The following PRICKLE2 variants were observed in gnomAD, a reference collection of about 807,000 sequenced individuals.
PRICKLE2 encodes prickle-like protein 2.
Under a neutral mutation model 81.4 loss-of-function variants are expected in PRICKLE2, and 21 were observed. That is an observed-to-expected ratio of 0.26 (90% CI 0.18 to 0.37). The LOEUF is 0.37. PRICKLE2 is among the 10% of genes least tolerant of loss of function. PRICKLE2 has a pLI of 1.00. For synonymous variants in PRICKLE2, 456 were observed against 421.5 expected, an observed-to-expected ratio of 1.08 and a Z score of -1.00; for missense variants, 940 against 1,109.0, an observed-to-expected ratio of 0.85 and a Z score of 2.16.
intron 2 of PRICKLE2, among the ~76,000 whole-genome samples, chr3:64,246,105 A>G (rs904661486): frequency 6.6e-6 from 1 of 152,002 alleles, no homozygotes; most frequent in Admixed American, 6.6e-5. Flanking sequence ...AGTCCGGTGT[A>G]GTGGTGCGTG....
chr3:64,153,482 C>G, intron 5 of PRICKLE2, 114 bp from the exon 6 acceptor site: 2 of 964,628 alleles, frequency 2.1e-6, no homozygotes, highest in Non-Finnish European at 3.2e-6. Context: ...ATCCTACTCA[C>G]AAATAATTAA....
Position 64,146,957 on chromosome 3 carries a change from C to G in PRICKLE2, c.1533G>C (p.Gly511=), listed in dbSNP as rs1360522546. Residue 511 remains glycine, a synonymous_variant, in exon 7 of 8, where the codon GGG becomes GGC. Coordinates refer to ENST00000638394, the MANE Select transcript of PRICKLE2 (RefSeq NM_198859.4). The part of the protein sequence containing the change: ...PKYEEEEEEE[G]GLSTQQCRTR... Reference sequence around the variant, plus strand: ...TCCGACACTGCTGAGTGGACAAGCCCCCTTCCTCTTCCTCTTCCTCCTCAT... The same window carrying G: ...TCCGACACTGCTGAGTGGACAAGCCGCCTTCCTCTTCCTCTTCCTCCTCAT... 1 of 1,614,082 alleles carries G rather than the reference C, an allele frequency of 6.2e-7. No homozygotes were observed. The highest frequency in any genetic ancestry group is 2.2e-5 in the East Asian group (1 of 44,870).
At chr3:64,181,731 A>G (rs1237812292) in intron 2 of PRICKLE2, among the ~76,000 whole-genome samples, 3 of 152,346 alleles carry the variant, frequency 2.0e-5, no homozygotes, top group African/African-American at 4.8e-5. Flanking sequence ...GAAAAATAAC[A>G]GACATAAAAT....
chr3:64,262,660 A>G (rs940103705), intron 2 of PRICKLE2, among the ~76,000 whole-genome samples: 1 of 152,100 alleles, frequency 6.6e-6, no homozygotes, highest in African/African-American at 2.4e-5. Flanking sequence ...AAGAGCAGCA[A>G]AGGAAATTGG....
rs994634407 is a variant in PRICKLE2 at position 64,147,820 on chromosome 3, C to T, written c.788-118G>A. The T allele has an allele frequency of 2.8e-6, 3 of 1,058,882 alleles. No individual in the cohort carries two copies. Among genetic ancestry groups the T allele is most frequent in the Non-Finnish European group, 4.3e-6 (3 of 693,014 alleles). The allele number at this position is 1,058,882 out of a possible 1,614,324, so 65.6% of individuals were successfully genotyped here. A position where few individuals can be genotyped will look rare whatever the true frequency, so the allele number is the denominator to read the frequency against. On this transcript the variant is annotated intron_variant, in intron 6 of 7. Coordinates refer to ENST00000638394, the MANE Select transcript of PRICKLE2 (RefSeq NM_198859.4). This position sits in a 1 kb window ranked among gnomAD's most constrained non-coding sequence, Gnocchi z 5.0. ...TTCCAGGTGCGGCAGGATAAACTGT[C>T]AATAAATCAACAATCAGACCCTTAT... is the stretch of plus-strand genomic sequence containing the variant.
chr3:64,163,215 C>T lies in PRICKLE2; in HGVS notation c.145-86G>A, dbSNP rs2077763355. ...CTTACTGGGAAGATGATTCCCCCAG[C>T]AGGATGTAACTGACTTCTGCAGTCC... On this transcript the variant is annotated intron_variant, in intron 2 of 7. Transcript: ENST00000638394. 8 of 836,404 alleles carry T rather than the reference C, an allele frequency of 9.6e-6. No homozygotes were observed. The Admixed American group carries it at 1.2e-4, about 12-fold the overall frequency. The allele number at this position is 836,404 out of a possible 1,614,324, so 51.8% of individuals were successfully genotyped here. A position where few individuals can be genotyped will look rare whatever the true frequency, so the allele number is the denominator to read the frequency against.
chr3:64,198,944 C>A lies in PRICKLE2; in HGVS notation c.-17G>T. ...TGTCACCATGTGCTCCTCCTGGGGA[C>A]ACTTGCAGTGCAGGCAGATCTTCCT... On this transcript the variant is annotated 5_prime_UTR_variant, in exon 2 of 8. Coordinates refer to ENST00000638394, the MANE Select transcript of PRICKLE2 (RefSeq NM_198859.4). 1 of 1,614,012 alleles carries A rather than the reference C, an allele frequency of 6.2e-7. No individual in the cohort carries two copies. The highest frequency in any genetic ancestry group is 8.5e-7 in the Non-Finnish European group (1 of 1,180,032).
chr3:64,160,332 G>C (rs1315321534), intron 3 of PRICKLE2, among the ~76,000 whole-genome samples: 1 of 152,180 alleles, frequency 6.6e-6, no homozygotes, highest in East Asian at 1.9e-4. Context: ...GCAGGCTAAA[G>C]GTGCCTGCTC....
intron 1 of PRICKLE2, among the ~76,000 whole-genome samples, chr3:64,205,935 AACC>A (rs1198988139): frequency 2.0e-5 from 3 of 152,178 alleles, no homozygotes; most frequent in African/African-American, 7.2e-5. Context: ...CAAGGCTAAA[AACC>A]ACCATATTTC....
At chr3:64,208,034 C>A (rs889883693) in intron 1 of PRICKLE2, among the ~76,000 whole-genome samples, 5 of 152,190 alleles carry the variant, frequency 3.3e-5, no homozygotes, top group African/African-American at 1.2e-4. Flanking sequence ...ACGCACAACA[C>A]CAGCCTAAAA....
intron 7 of PRICKLE2, among the ~76,000 whole-genome samples, chr3:64,141,097 A>T (rs2077354410): frequency 6.6e-6 from 1 of 152,226 alleles, no homozygotes; most frequent in Non-Finnish European, 1.5e-5. Flanking sequence ...ACAGCATTTA[A>T]AGAAGCATTC....
intron 7 of PRICKLE2, among the ~76,000 whole-genome samples, chr3:64,126,836 A>G (rs1446103376): frequency 6.6e-6 from 1 of 152,040 alleles, no homozygotes; most frequent in Non-Finnish European, 1.5e-5. Flanking sequence ...TCGGCCTCCC[A>G]AAGTGCTGAG....
chr3:64,098,832 CTG>C lies in PRICKLE2; in HGVS notation c.*217_*218del. ...CCAAGCCTGGCCTCGATAGAGTCTA[CTG>C]TGTTTCCAAAGTGAAATGTGCAAAT... On this transcript the variant is annotated 3_prime_UTR_variant, in exon 8 of 8. Transcript: ENST00000638394. 1 of 595,982 alleles carries C rather than the reference CTG, an allele frequency of 1.7e-6. No individual in the cohort carries two copies. Among genetic ancestry groups the C allele is most frequent in the Non-Finnish European group, 3.0e-6 (1 of 333,324 alleles). 36.9% of individuals were successfully genotyped at this position (595,982 alleles called of 1,614,324 possible).
intron 2 of PRICKLE2, among the ~76,000 whole-genome samples, chr3:64,170,267 A>G (rs923214543): frequency 4.6e-5 from 7 of 152,178 alleles, no homozygotes; most frequent in Admixed American, 3.9e-4. Context: ...CAGAAATAAA[A>G]GCTCATTTGC....
Position 64,132,111 on chromosome 3 carries a change from C to T in PRICKLE2, c.1660+14719G>A, listed in dbSNP as rs576075397. Among the ~76,000 whole-genome samples the T allele has an allele frequency of 6.6e-5, 10 of 152,330 alleles. No homozygotes were observed. In the East Asian group the frequency reaches 1.4e-3, roughly 21 times the overall value. ...ATTCTTTCCTTTGCAAGGCCAAGTCCTTCTCATCCAAGTCTTAGCTCACCC... is the reference window on the plus strand; with the variant it reads ...ATTCTTTCCTTTGCAAGGCCAAGTCTTTCTCATCCAAGTCTTAGCTCACCC... On this transcript the variant is annotated intron_variant, in intron 7 of 7. Transcript: ENST00000638394.
chr3:64,169,038 A>G (rs2077887298), intron 2 of PRICKLE2, among the ~76,000 whole-genome samples: 1 of 152,052 alleles, frequency 6.6e-6, no homozygotes, highest in African/African-American at 2.4e-5. Context: ...GCATCAATAT[A>G]CTCAGCTAAG....
chr3:64,258,130 A>G (rs1009891434), intron 2 of PRICKLE2, among the ~76,000 whole-genome samples: 2 of 151,392 alleles, frequency 1.3e-5, no homozygotes, highest in African/African-American at 4.9e-5. Flanking sequence ...ACAGACTAAG[A>G]TACTCTTGGT....
At chr3:64,116,898 A>G (rs566338946) in intron 7 of PRICKLE2, among the ~76,000 whole-genome samples, 4 of 152,174 alleles carry the variant, frequency 2.6e-5, no homozygotes, top group Non-Finnish European at 5.9e-5. Flanking sequence ...AACAACAACA[A>G]CAAAAAGTCA....
chr3:64,109,507 G>C (rs2076809591), intron 7 of PRICKLE2, among the ~76,000 whole-genome samples: 1 of 152,110 alleles, frequency 6.6e-6, no homozygotes, highest in Non-Finnish European at 1.5e-5. Flanking sequence ...ACCAGGATCA[G>C]TGCTGGTAGT....
Sources: gnomAD v4.1 joint callset for allele counts (sites outside exome capture counted in the v4.1 genomes callset) on GRCh38, gnomAD v4.1.1 for gene constraint, Gnocchi (gnomAD v3.1) non-coding constraint, MANE v1.5 for transcripts, NCBI Gene and HGNC (gene_info 2026-07-23, HGNC 2026-07-21) for gene names.